The following PLXNA4 variants were observed in gnomAD, a reference collection of about 807,000 sequenced individuals.
PLXNA4 encodes plexin-A4.
Under a neutral mutation model 191.8 loss-of-function variants are expected in PLXNA4, and 44 were observed. The observed-to-expected ratio is 0.23, with a 90% CI of 0.18 to 0.29. The LOEUF (loss-of-function observed/expected upper bound fraction) is 0.29, where lower values mean the gene tolerates loss of function less well. Among genes scored for constraint, PLXNA4 ranks in the 10% least tolerant of loss-of-function variants. The pLI, the probability that PLXNA4 is intolerant of heterozygous loss-of-function variation, is 1.00. For missense variants in PLXNA4, 1,800 were observed against 2,488.8 expected (o/e 0.72, Z 5.89); for synonymous variants, 1,082 against 1,009.5 (o/e 1.07, Z -1.36).
chr7:132,381,558 C>G (rs2116942978), intron 3 of PLXNA4, among the ~76,000 whole-genome samples: 2 of 152,288 alleles, frequency 1.3e-5, no homozygotes, highest in South Asian at 4.1e-4. Context: ...TTAAAAACAT[C>G]TATTTAAATT....
chr7:132,507,742 C>A lies in PLXNA4; in HGVS notation c.952G>T (p.Ala318Ser). 1.9e-6 allele frequency: 3 copies of A among 1,614,174 alleles called. No homozygotes were observed. The highest frequency in any genetic ancestry group is 1.7e-6 in the Non-Finnish European group (2 of 1,180,042). The change falls in exon 2 of 32, where the codon GCG becomes TCG. Residue 318 changes from alanine (A) to serine (S), a missense_variant. Physicochemically the swap from Ala to Ser is moderately conservative, Grantham distance 99. This residue lies in a region of PLXNA4 where 1,397 missense variants were observed against 1,880.4 expected (regional missense o/e 0.74). Transcript: ENST00000321063. ...AGGGTCCTGCCAAGCACGGCCCCCG[C>A]TTTGGACAGGTAGGCAGCCTGCAGC... ...RLLQAAYLSK[A>S]GAVLGRTLGV...
intron 1 of PLXNA4, among the ~76,000 whole-genome samples, chr7:132,524,706 G>T (rs1799329718): frequency 6.6e-6 from 1 of 152,044 alleles, no homozygotes; most frequent in East Asian, 1.9e-4. Flanking sequence ...CTCCTGAGTA[G>T]CTCGGTGCCC....
At chr7:132,192,256 G>A (rs1797114847) in intron 14 of PLXNA4, among the ~76,000 whole-genome samples, 1 of 152,172 alleles carries the variant, frequency 6.6e-6, no homozygotes, top group Admixed American at 6.5e-5. Context: ...GAGGTGCTGT[G>A]TTGGGTCTTA....
At chr7:132,497,428 C>T (rs1798071047) in intron 2 of PLXNA4, among the ~76,000 whole-genome samples, 1 of 152,166 alleles carries the variant, frequency 6.6e-6, no homozygotes, top group African/African-American at 2.4e-5. Context: ...CTCCACAATA[C>T]CTCCTCAGGG....
At chr7:132,590,697 T>C (rs938926422) in intron 2 of PLXNA4, among the ~76,000 whole-genome samples, 3 of 152,202 alleles carry the variant, frequency 2.0e-5, no homozygotes, top group Non-Finnish European at 2.9e-5. Context: ...CCCACGCAGA[T>C]TGAGGGTGGG....
intron 4 of PLXNA4, among the ~76,000 whole-genome samples, chr7:132,279,663 G>A (rs1283798886): frequency 6.6e-6 from 1 of 152,006 alleles, no homozygotes; most frequent in Non-Finnish European, 1.5e-5. Context: ...AGAAAATTGA[G>A]ACTTGGAAGT....
chr7:132,384,440 A>G (rs896879128), intron 3 of PLXNA4: 1 of 985,398 alleles, frequency 1.0e-6, no homozygotes, highest in Non-Finnish European at 1.2e-6. Context: ...CTATGGGGGA[A>G]TTATGGAATT....
chr7:132,618,799 A>G (rs992404947), intron 2 of PLXNA4, among the ~76,000 whole-genome samples: 1 of 152,238 alleles, frequency 6.6e-6, no homozygotes, highest in East Asian at 1.9e-4. Context: ...AGAAGATTAT[A>G]TCATATACAT....
At chr7:132,364,987 A>G (rs186464958) in intron 3 of PLXNA4, among the ~76,000 whole-genome samples, 42 of 152,276 alleles carry the variant, frequency 2.8e-4, no homozygotes, top group African/African-American at 7.7e-4. Flanking sequence ...TCCCATGCCA[A>G]TGGAGATGTC....
chr7:132,189,056 G>GAGAGAGAGAA (rs1797007011), intron 14 of PLXNA4, among the ~76,000 whole-genome samples: 3 of 102,484 alleles, frequency 2.9e-5, no homozygotes, highest in Non-Finnish European at 5.6e-5. Flanking sequence ...GAGAGAGAGA[G>GAGAGAGAGAA]AGAGAGAGAG....
intron 2 of PLXNA4, among the ~76,000 whole-genome samples, chr7:132,506,463 T>C (rs919228304): frequency 6.6e-6 from 1 of 152,228 alleles, no homozygotes; most frequent in African/African-American, 2.4e-5. Flanking sequence ...AATTAGAGAA[T>C]TGATGTTCTC....
chr7:132,489,164 A>G, intron 3 of PLXNA4, 128 bp downstream of exon 3: 1 of 946,342 alleles, frequency 1.1e-6, no homozygotes, highest in African/African-American at 1.6e-5. Flanking sequence ...ACAGCAGCGT[A>G]TCTCCTTAGC....
At chr7:132,612,234 A>T (rs1047186074) in intron 2 of PLXNA4, among the ~76,000 whole-genome samples, 1 of 152,138 alleles carries the variant, frequency 6.6e-6, no homozygotes, top group Non-Finnish European at 1.5e-5. Context: ...GGGAAATAGC[A>T]CCTGTTAGCT....
intron 2 of PLXNA4, among the ~76,000 whole-genome samples, chr7:132,621,041 A>C (rs1337840500): frequency 3.3e-5 from 5 of 151,998 alleles, no homozygotes; most frequent in Admixed American, 6.5e-5. Flanking sequence ...TGAGGGCTCC[A>C]CTCTCATGAG....
At chr7:132,272,140 G>T (rs1488841864) in intron 4 of PLXNA4, among the ~76,000 whole-genome samples, 1 of 152,138 alleles carries the variant, frequency 6.6e-6, no homozygotes, top group African/African-American at 2.4e-5. Flanking sequence ...AACTTCTAAT[G>T]GCCAAGAACT....
chr7:132,214,168 G>A (rs1797892835), intron 9 of PLXNA4, among the ~76,000 whole-genome samples: 1 of 152,152 alleles, frequency 6.6e-6, no homozygotes, highest in Admixed American at 6.5e-5. Flanking sequence ...TCCCCCTGAA[G>A]TCCAGGGGAC....
intron 3 of PLXNA4, among the ~76,000 whole-genome samples, chr7:132,481,388 G>C (rs1489701309): frequency 2.0e-5 from 3 of 151,992 alleles, no homozygotes; most frequent in Non-Finnish European, 4.4e-5. Context: ...CCAGGCCTTA[G>C]GTAGAGTCTG....
chr7:132,280,758 G>A (rs886937464), intron 4 of PLXNA4, among the ~76,000 whole-genome samples: 5 of 152,152 alleles, frequency 3.3e-5, no homozygotes, highest in African/African-American at 1.2e-4. Context: ...AAAGGAAATT[G>A]TTTTAGAAGG....
At chr7:132,385,747 T>TGC (rs1805107729) in intron 3 of PLXNA4, among the ~76,000 whole-genome samples, 1 of 152,184 alleles carries the variant, frequency 6.6e-6, no homozygotes, top group African/African-American at 2.4e-5. Flanking sequence ...CACACATGGA[T>TGC]GCACACACAC....
Sources: allele counts gnomAD v4.1 joint callset (sites outside exome capture counted in the v4.1 genomes callset), GRCh38; gene constraint gnomAD v4.1.1; regional missense constraint gnomAD v4.1.1; transcripts MANE v1.5; gene names NCBI Gene and HGNC (gene_info 2026-07-23, HGNC 2026-07-21).